Variants in OTUD7A observed in about 807,000 individuals in gnomAD.
The protein encoded by OTUD7A is OTU deubiquitinase 7A, also known as OTU domain-containing protein 7A.
Under a neutral mutation model 65.7 loss-of-function variants are expected in OTUD7A, and 12 were observed. The ratio of observed to expected loss-of-function variants is 0.18; its 90% CI spans 0.12 to 0.30. OTUD7A has a LOEUF of 0.30. OTUD7A is among the 10% of genes least tolerant of loss of function. OTUD7A has a pLI of 1.00. For synonymous variants in OTUD7A, 641 were observed against 586.3 expected, an observed-to-expected ratio of 1.09 and a Z score of -1.35; for missense variants, 1,148 against 1,304.8, an observed-to-expected ratio of 0.88 and a Z score of 1.85.
At chr15:31,785,393 G>C (rs1431205298) in intron 1 of OTUD7A, among the ~76,000 whole-genome samples, 2 of 152,150 alleles carry the variant, frequency 1.3e-5, no homozygotes, top group South Asian at 2.1e-4. Flanking sequence ...TTTCTGTTTA[G>C]AAACTGCTTC....
At chr15:31,519,962 A>T (rs1418726707) in intron 8 of OTUD7A, among the ~76,000 whole-genome samples, 1 of 152,154 alleles carries the variant, frequency 6.6e-6, no homozygotes, top group Non-Finnish European at 1.5e-5. Flanking sequence ...TATAAGGAGG[A>T]CTACAAAATG....
In OTUD7A at chr15:31,623,632, G is replaced by C. The variant is rs1205913830; in HGVS notation, c.151+31464C>G. On this transcript the variant is annotated intron_variant, in intron 3 of 12. Transcript: ENST00000307050. ...ATTGGAAAAGCGCAGTATTAGGGTG[G>C]GAGTGACCTGATTTTCCAGGTGCCA... Among the ~76,000 whole-genome samples the C allele has an allele frequency of 2.6e-5, 4 of 152,202 alleles. No individual in the cohort carries two copies. The East Asian group carries it at 7.7e-4, about 29-fold the overall frequency.
chr15:31,634,631 C>G (rs1891283344), intron 3 of OTUD7A, among the ~76,000 whole-genome samples: 2 of 152,242 alleles, frequency 1.3e-5, no homozygotes, highest in Non-Finnish European at 2.9e-5. Flanking sequence ...ACAGGCTTCT[C>G]CCGGCACAGT....
chr15:31,798,590 G>T (rs1275946416), intron 1 of OTUD7A, among the ~76,000 whole-genome samples: 2 of 152,230 alleles, frequency 1.3e-5, no homozygotes, highest in Admixed American at 6.5e-5. Flanking sequence ...CCTGCATGCT[G>T]CACCAACCTG....
chr15:31,783,920 C>G (rs1329623035), intron 1 of OTUD7A, among the ~76,000 whole-genome samples: 1 of 152,164 alleles, frequency 6.6e-6, no homozygotes, highest in Non-Finnish European at 1.5e-5. Context: ...AAAATCTGAG[C>G]TTCCCCATGA....
At chr15:31,628,165 C>T (rs1232721078) in intron 3 of OTUD7A, among the ~76,000 whole-genome samples, 1 of 152,146 alleles carries the variant, frequency 6.6e-6, no homozygotes, top group Non-Finnish European at 1.5e-5. Context: ...GAAGTCCTTG[C>T]CCGTGCCTAT....
chr15:31,497,805 A>G (rs998133206), intron 10 of OTUD7A, among the ~76,000 whole-genome samples: 3 of 152,148 alleles, frequency 2.0e-5, no homozygotes, highest in Non-Finnish European at 2.9e-5. Context: ...GGCTGCAACT[A>G]TTCCCTGGGG....
chr15:31,824,407 G>A lies in OTUD7A; in HGVS notation c.-100+46100C>T, dbSNP rs548477984. On this transcript the variant is annotated intron_variant, in intron 1 of 12. Transcript: ENST00000307050. ...CATGCCCACAACACACTGAGCATTCGGCAAGTCATATTTTTCACTACAAAG... is the reference window on the plus strand; with the variant it reads ...CATGCCCACAACACACTGAGCATTCAGCAAGTCATATTTTTCACTACAAAG... 3.9e-5 allele frequency among the ~76,000 whole-genome samples: 6 copies of A among 152,194 alleles called. No individual in the cohort carries two copies. The South Asian group carries it at 6.2e-4, about 16-fold the overall frequency.
Position 31,563,528 on chromosome 15 carries a change from G to A in OTUD7A, c.332-4341C>T, listed in dbSNP as rs78907661. 3.3e-3 allele frequency among the ~76,000 whole-genome samples: 502 copies of A among 152,322 alleles called. 3 individuals carry two copies. The highest frequency in any genetic ancestry group is 0.032 in the East Asian group (167 of 5,176). On this transcript the variant is annotated intron_variant, in intron 4 of 12. Transcript: ENST00000307050. ...CGACAGAGAGGGCCTGGGGTAGGGC[G>A]TCTTGGTCCTGCCTTTCCTCTCCCC...
chr15:31,557,216 T>A (rs1888526283), intron 5 of OTUD7A: 1 of 152,292 alleles, frequency 6.6e-6, no homozygotes, highest in Non-Finnish European at 1.5e-5. Context: ...ACGCATCTTG[T>A]GCCTTCCCTC....
intron 1 of OTUD7A, among the ~76,000 whole-genome samples, chr15:31,679,341 T>C (rs1408657039): frequency 3.9e-5 from 6 of 152,118 alleles, no homozygotes; most frequent in Non-Finnish European, 4.4e-5. Context: ...TGGAAAGGCA[T>C]GACTGTGTCT....
At chr15:31,808,115 ACACACACACACACACACACACAAAC>A (rs1896320162) in intron 1 of OTUD7A, among the ~76,000 whole-genome samples, 1 of 107,300 alleles carries the variant, frequency 9.3e-6, no homozygotes, top group African/African-American at 3.1e-5. Flanking sequence ...ACACACACAC[ACACACACACACACACACACACAAAC>A]AAATCCTCAC....
At chr15:31,535,804 G>A (rs1231273044) in intron 5 of OTUD7A, among the ~76,000 whole-genome samples, 1 of 151,276 alleles carries the variant, frequency 6.6e-6, no homozygotes, top group Non-Finnish European at 1.5e-5. Flanking sequence ...AGCCTCCCGA[G>A]TAGCTGGGAC....
intron 1 of OTUD7A, among the ~76,000 whole-genome samples, chr15:31,669,514 C>T (rs1291674436): frequency 6.6e-6 from 1 of 152,180 alleles, no homozygotes; most frequent in African/African-American, 2.4e-5. Context: ...CCTAACAGCC[C>T]CAAGTCTGTT....
In OTUD7A at chr15:31,659,068, TAAATAAATAAATA is replaced by T. The variant is rs1176077939; in HGVS notation, c.-99-2004_-99-1992del. Among the ~76,000 whole-genome samples the T allele has an allele frequency of 7.7e-3, 939 of 122,406 alleles. 11 individuals are homozygous for T. The highest frequency in any genetic ancestry group is 0.027 in the African/African-American group (880 of 33,164). 80.3% of individuals were successfully genotyped at this position (122,406 alleles called of 152,430 possible). Reference sequence around the variant, plus strand: ...ATAAATAAATAAATAAATAAATAAATAAATAAATAAATAAAATAAAATTAAAACTTCTGTTTCA... The same window carrying T: ...ATAAATAAATAAATAAATAAATAAATAAATAAAATTAAAACTTCTGTTTCA... On this transcript the variant is annotated intron_variant, in intron 1 of 12. Coordinates refer to ENST00000307050, the MANE Select transcript of OTUD7A (RefSeq NM_001382637.1).
chr15:31,675,362 TA>T (rs1892574353), intron 1 of OTUD7A, among the ~76,000 whole-genome samples: 1 of 152,162 alleles, frequency 6.6e-6, no homozygotes, highest in African/African-American at 2.4e-5. Flanking sequence ...CTCCTCTTGT[TA>T]AATCTGCCAT....
chr15:31,703,252 T>C (rs1303313725), intron 1 of OTUD7A, among the ~76,000 whole-genome samples: 1 of 152,100 alleles, frequency 6.6e-6, no homozygotes, highest in Non-Finnish European at 1.5e-5. Context: ...AAAGTAAAAA[T>C]TGATAAACTT....
In OTUD7A at chr15:31,808,945, C is replaced by T. The variant is rs1165190965; in HGVS notation, c.-100+61562G>A. On this transcript the variant is annotated intron_variant, in intron 1 of 12. Coordinates refer to ENST00000307050, the MANE Select transcript of OTUD7A (RefSeq NM_001382637.1). ...TTGTCTAATCGTGTGTGGCTCCTGC[C>T]TTTCCTTTTTAAACTTGCTGGGCAA... 2.0e-5 allele frequency among the ~76,000 whole-genome samples: 3 copies of T among 152,204 alleles called. No individual in the cohort carries two copies. In the East Asian group the frequency reaches 5.8e-4, roughly 29 times the overall value.
chr15:31,489,423 G>GTC (rs751403818), intron 10 of OTUD7A, among the ~76,000 whole-genome samples: 1 of 152,198 alleles, frequency 6.6e-6, no homozygotes, highest in South Asian at 2.1e-4. Context: ...GGGTCTGGCT[G>GTC]TCCACCCGCT....
Sources: allele counts gnomAD v4.1 joint callset (sites outside exome capture counted in the v4.1 genomes callset), GRCh38; gene constraint gnomAD v4.1.1; transcripts MANE v1.5; gene names NCBI Gene and HGNC (gene_info 2026-07-23, HGNC 2026-07-21).